AFAP1: variants seen among roughly 807,000 people sequenced by gnomAD.
The protein encoded by AFAP1 is actin filament associated protein 1, also known as actin filament-associated protein 1.
In AFAP1, 75 loss-of-function variants were observed where a neutral mutation model predicts 93.9. That is an observed-to-expected ratio of 0.80 (90% CI 0.66 to 0.97). The LOEUF (loss-of-function observed/expected upper bound fraction) is 0.97. AFAP1 is among the 50% of genes least tolerant of loss of function. The pLI is 0.00. For synonymous variants in AFAP1, 517 were observed against 430.7 expected (o/e 1.20, Z -2.48); for missense variants, 1,201 against 1,050.8 (o/e 1.14, Z -1.98).
rs780902734 is a variant in AFAP1, at chr4:7,925,345, T to G, written c.-3+14311A>C. 9.8e-5 allele frequency among the ~76,000 whole-genome samples: 15 copies of G among 152,286 alleles called. No homozygotes were observed. In the East Asian group the frequency reaches 2.7e-3, roughly 27 times the overall value. ...CCCACCAACCAGGGAAGGAACCACATGTTATGGAAAGATCAAGGGCCTTGA... is the reference window on the plus strand; with the variant it reads ...CCCACCAACCAGGGAAGGAACCACAGGTTATGGAAAGATCAAGGGCCTTGA... On this transcript the variant is annotated intron_variant, in intron 1 of 17. Transcript: ENST00000420658.
At chr4:7,799,239 A>G (rs1292374700) in intron 10 of AFAP1, 3 of 224,188 alleles carry the variant, frequency 1.3e-5, no homozygotes, top group Non-Finnish European at 2.2e-5. Flanking sequence ...CTGCAAAACC[A>G]GCCACGGGGG....
intron 12 of AFAP1, among the ~76,000 whole-genome samples, chr4:7,784,096 G>A (rs973108497): frequency 5.9e-5 from 9 of 152,142 alleles, no homozygotes; most frequent in African/African-American, 1.7e-4. Context: ...CTGGTATGGT[G>A]CCATCTTAAG....
chr4:7,865,785 C>T (rs192775334), intron 3 of AFAP1, among the ~76,000 whole-genome samples: 50 of 152,230 alleles, frequency 3.3e-4, no homozygotes, highest in Non-Finnish European at 6.3e-4. Context: ...TGGTCCAAAG[C>T]AGGTGGGAGG....
At chr4:7,869,115 C>T (rs954172877) in intron 2 of AFAP1, among the ~76,000 whole-genome samples, 5 of 96,944 alleles carry the variant, frequency 5.2e-5, no homozygotes, top group Non-Finnish European at 1.0e-4. Context: ...GAAAGGGAAA[C>T]GGAAAGAAAA....
chr4:7,925,681 A>G (rs1010571606), intron 1 of AFAP1, among the ~76,000 whole-genome samples: 1 of 152,220 alleles, frequency 6.6e-6, no homozygotes, highest in African/African-American at 2.4e-5. Context: ...CTCCGTCCCT[A>G]CTAAAAATAC....
At chr4:7,871,511 G>T (rs1341982695) in intron 2 of AFAP1, among the ~76,000 whole-genome samples, 1 of 152,194 alleles carries the variant, frequency 6.6e-6, no homozygotes, top group East Asian at 1.9e-4. Context: ...GACAGCGTGT[G>T]CTCTGTGTGA....
In AFAP1 at chr4:7,816,010, G is replaced by T; in HGVS notation, c.904+8C>A. On this transcript the variant is annotated splice_region_variant and intron_variant, in intron 8 of 17. Transcript: ENST00000420658. ...TGTATATATGTTTTTGGCACAAGCAGAACTCACCTTGCTCCTTTCCATTAC... is the reference window on the plus strand; with the variant it reads ...TGTATATATGTTTTTGGCACAAGCATAACTCACCTTGCTCCTTTCCATTAC... 2 of 1,606,714 alleles carry T rather than the reference G, an allele frequency of 1.2e-6. No individual in the cohort carries two copies. Among genetic ancestry groups the T allele is most frequent in the South Asian group, 2.2e-5 (2 of 90,154 alleles).
intron 10 of AFAP1, among the ~76,000 whole-genome samples, chr4:7,796,749 CA>C (rs71647622): frequency 0.29 from 27,614 of 96,458 alleles, 3,454 homozygotes; most frequent in Middle Eastern, 0.39. Flanking sequence ...AGACTTGTCT[CA>C]AAAAAAAAAA....
intron 1 of AFAP1, among the ~76,000 whole-genome samples, chr4:7,872,676 C>T (rs1717147802): frequency 6.6e-6 from 1 of 152,166 alleles, no homozygotes; most frequent in Admixed American, 6.5e-5. Context: ...GACTGGAATG[C>T]TGGCTTAGGT....
intron 6 of AFAP1, among the ~76,000 whole-genome samples, chr4:7,831,323 T>C (rs1320309411): frequency 6.6e-6 from 1 of 151,792 alleles, no homozygotes; most frequent in Non-Finnish European, 1.5e-5. Context: ...AACTGAACAA[T>C]TTAAACTCTT....
chr4:7,925,467 C>G (rs1032910571), intron 1 of AFAP1, among the ~76,000 whole-genome samples: 3 of 152,056 alleles, frequency 2.0e-5, no homozygotes, highest in African/African-American at 7.3e-5. Flanking sequence ...AATCCCAGCA[C>G]TTTGGGAGGC....
intron 17 of AFAP1, 87 bp downstream of exon 17, chr4:7,768,757 A>C (rs1714976105): frequency 8.5e-6 from 12 of 1,417,876 alleles, no homozygotes; most frequent in Non-Finnish European, 1.9e-6. Flanking sequence ...TAGGAAGAAG[A>C]ATGGGCTCCC....
chr4:7,869,505 A>G (rs1414105872), intron 2 of AFAP1, among the ~76,000 whole-genome samples: 1 of 152,266 alleles, frequency 6.6e-6, no homozygotes, highest in African/African-American at 2.4e-5. Context: ...GACTGATACA[A>G]GCTCACATGT....
intron 1 of AFAP1, among the ~76,000 whole-genome samples, chr4:7,874,356 C>CCTTTT (rs1233453979): frequency 1.1e-5 from 1 of 92,440 alleles, no homozygotes; most frequent in East Asian, 3.5e-4. Context: ...TTGCCTTTTT[C>CCTTTT]TTTTTTTTTT....
chr4:7,911,305 AG>A (rs1719710149), intron 1 of AFAP1, among the ~76,000 whole-genome samples: 2 of 152,050 alleles, frequency 1.3e-5, no homozygotes, highest in South Asian at 2.1e-4. Flanking sequence ...CTACAGCCGG[AG>A]GGGGGAAGGG....
chr4:7,858,753 C>T (rs1378467393), intron 3 of AFAP1, among the ~76,000 whole-genome samples: 1 of 152,180 alleles, frequency 6.6e-6, no homozygotes, highest in Non-Finnish European at 1.5e-5. Flanking sequence ...CAAGACTCCA[C>T]GTGCCCATTC....
chr4:7,879,217 G>A (rs536600274), intron 1 of AFAP1, among the ~76,000 whole-genome samples: 1 of 152,272 alleles, frequency 6.6e-6, no homozygotes, highest in East Asian at 1.9e-4. Flanking sequence ...AGAGGGTTCT[G>A]CACACAGGAC....
intron 3 of AFAP1, among the ~76,000 whole-genome samples, chr4:7,859,556 A>C (rs28649910): frequency 0.1 from 15,961 of 152,156 alleles, 1,399 homozygotes; most frequent in East Asian, 0.49. Context: ...GAAAGAACTG[A>C]CACTGTGCCA....
chr4:7,898,282 C>A (rs550928659), intron 1 of AFAP1, among the ~76,000 whole-genome samples: 64 of 152,210 alleles, frequency 4.2e-4, no homozygotes, highest in Non-Finnish European at 8.7e-4. Flanking sequence ...GTGGTAGGCA[C>A]CTGTAATCCC....
Sources: allele counts gnomAD v4.1 joint callset (sites outside exome capture counted in the v4.1 genomes callset), GRCh38; gene constraint gnomAD v4.1.1; transcripts MANE v1.5; gene names NCBI Gene and HGNC (gene_info 2026-07-23, HGNC 2026-07-21).